Variants in FUT8 observed in about 807,000 individuals in gnomAD.
FUT8 encodes fucosyltransferase 8.
FUT8 carries 29 observed loss-of-function variants against 71.3 expected under a neutral mutation model. The observed-to-expected ratio is 0.41, with a 90% CI of 0.30 to 0.55. The LOEUF is 0.55. Ranked by LOEUF, FUT8 falls within the 20% of genes least tolerant of loss-of-function variation. FUT8 has a pLI of 0.34. For synonymous variants in FUT8, 254 were observed against 239.3 expected, an observed-to-expected ratio of 1.06 and a Z score of -0.57; for missense variants, 544 against 702.1, an observed-to-expected ratio of 0.77 and a Z score of 2.55.
Position 65,522,749 on chromosome 14 carries a change from T to C in FUT8, c.-227-38588T>C, listed in dbSNP as rs371070622. Among the ~76,000 whole-genome samples the C allele has an allele frequency of 1.2e-4, 13 of 112,554 alleles. No individual in the cohort carries two copies. The East Asian group carries it at 3.1e-3, about 27-fold the overall frequency. 73.8% of individuals were successfully genotyped at this position (112,554 alleles called of 152,430 possible). On this transcript the variant is annotated intron_variant, in intron 2 of 10. Transcript: ENST00000673929. The stretch of plus-strand genomic sequence containing the variant: ...CCCCCCACCCCGCAACAGGCCCCGG[T>C]GTGTGATGTTCCCCCTCCTGTGTCC...
upstream of FUT8, chr14:65,412,490 C>T (rs999723968): frequency 1.6e-5 from 6 of 373,150 alleles, no homozygotes; most frequent in Non-Finnish European, 3.2e-5. Flanking sequence ...AGAGGGCGGC[C>T]TACGCCTGTG....
chr14:65,708,745 AG>A (rs1044261513), intron 7 of FUT8, among the ~76,000 whole-genome samples: 5 of 152,226 alleles, frequency 3.3e-5, no homozygotes, highest in Non-Finnish European at 7.3e-5. Context: ...AGCCAGTCAC[AG>A]AAAGACAAAC....
the FUT8 span, among the ~76,000 whole-genome samples, chr14:65,402,752 G>C: frequency 6.6e-6 from 1 of 152,258 alleles, no homozygotes; most frequent in Non-Finnish European, 1.5e-5. Flanking sequence ...TCCTGCCTCA[G>C]CCTCTTAAAG....
intron 2 of FUT8, among the ~76,000 whole-genome samples, chr14:65,528,256 C>T (rs1029652421): frequency 1.3e-5 from 2 of 151,986 alleles, no homozygotes; most frequent in South Asian, 2.1e-4. Context: ...TGGCAGGTAC[C>T]CCTCCCCCAG....
intron 2 of FUT8, among the ~76,000 whole-genome samples, chr14:65,491,361 G>A (rs1044394514): frequency 2.0e-5 from 3 of 152,098 alleles, no homozygotes; most frequent in Non-Finnish European, 4.4e-5. Context: ...ACAATAGGTA[G>A]CAAGTTAACT....
At chr14:65,680,915 C>T (rs187192508) in intron 7 of FUT8, among the ~76,000 whole-genome samples, 105 of 152,286 alleles carry the variant, frequency 6.9e-4, no homozygotes, top group Non-Finnish European at 1.2e-3. Context: ...GCCCTGCACT[C>T]CATAATTCAC....
At chr14:65,698,348 A>G (rs1056953014) in intron 7 of FUT8, among the ~76,000 whole-genome samples, 1 of 152,228 alleles carries the variant, frequency 6.6e-6, no homozygotes, top group Admixed American at 6.5e-5. Flanking sequence ...CAGTAAAATA[A>G]TAAAATTAAC....
chr14:65,543,092 A>T (rs755532340), intron 2 of FUT8, among the ~76,000 whole-genome samples: 4 of 151,900 alleles, frequency 2.6e-5, no homozygotes, highest in Non-Finnish European at 5.9e-5. Flanking sequence ...ATGACTAGGA[A>T]TTTTTTTTGC....
intron 1 of FUT8, among the ~76,000 whole-genome samples, chr14:65,448,268 G>C (rs995730769): frequency 5.9e-5 from 9 of 152,282 alleles, no homozygotes; most frequent in South Asian, 2.1e-4. Flanking sequence ...AGGGGGTGAT[G>C]AAAGCTTTGG....
At chr14:65,611,936 C>T (rs1406065513) in intron 3 of FUT8, among the ~76,000 whole-genome samples, 2 of 152,234 alleles carry the variant, frequency 1.3e-5, no homozygotes, top group Non-Finnish European at 2.9e-5. Context: ...GCTGGGATTA[C>T]AGGCGTGAGC....
Position 65,586,486 on chromosome 14 carries a change from C to T in FUT8, c.203+24720C>T, listed in dbSNP as rs903237056. On this transcript the variant is annotated intron_variant, in intron 3 of 10. Transcript: ENST00000673929. ...GATAAATTGATAAAATTGGCAGTAA[C>T]ATCATTTAATATGAAATGCTAGACA... Among the ~76,000 whole-genome samples, 15 of 152,190 alleles carry T rather than the reference C, an allele frequency of 9.9e-5. No homozygotes were observed. The South Asian group carries it at 2.1e-3, about 21-fold the overall frequency.
upstream of FUT8, among the ~76,000 whole-genome samples, chr14:65,406,851 A>G (rs887686771): frequency 7.9e-5 from 12 of 152,214 alleles, no homozygotes; most frequent in African/African-American, 2.9e-4. Flanking sequence ...GCCAGGTTTT[A>G]TAAGCATAAA....
intron 2 of FUT8, among the ~76,000 whole-genome samples, chr14:65,515,520 T>C (rs1025507753): frequency 7.2e-5 from 11 of 152,010 alleles, no homozygotes; most frequent in Admixed American, 7.2e-4. Context: ...TATAATGTTT[T>C]GTGGGCAGAT....
the FUT8 span, among the ~76,000 whole-genome samples, chr14:65,365,739 T>C: frequency 6.6e-6 from 1 of 152,276 alleles, no homozygotes; most frequent in Non-Finnish European, 1.5e-5. Flanking sequence ...AATCCACCCA[T>C]TGTTTAGCAT....
At chr14:65,693,808 ACTAT>A (rs1370661297) in intron 7 of FUT8, among the ~76,000 whole-genome samples, 4 of 152,196 alleles carry the variant, frequency 2.6e-5, no homozygotes, top group Admixed American at 6.5e-5. Context: ...CACCAGTGAA[ACTAT>A]CTGAGTGTGG....
intron 2 of FUT8, among the ~76,000 whole-genome samples, chr14:65,498,933 A>G (rs1269567503): frequency 1.3e-5 from 2 of 152,276 alleles, no homozygotes; most frequent in Non-Finnish European, 2.9e-5. Flanking sequence ...CCTCATGTAC[A>G]TTACTTTTCT....
Position 65,515,188 on chromosome 14 carries a change from G to A in FUT8, c.-227-46149G>A, listed in dbSNP as rs148485878. Reference sequence around the variant, plus strand: ...TTGCTAAAAACTTGTATAAATTTGTGAGTTTTGCTGTGTAGATCTTTTGGA... The same window carrying A: ...TTGCTAAAAACTTGTATAAATTTGTAAGTTTTGCTGTGTAGATCTTTTGGA... On this transcript the variant is annotated intron_variant, in intron 2 of 10. Transcript: ENST00000673929. 2.5e-3 allele frequency among the ~76,000 whole-genome samples: 377 copies of A among 148,524 alleles called. 3 individuals carry two copies. The Middle Eastern group carries it at 0.039, about 15-fold the overall frequency.
intron 2 of FUT8, among the ~76,000 whole-genome samples, chr14:65,551,054 A>G (rs1412235588): frequency 1.3e-5 from 2 of 152,196 alleles, no homozygotes; most frequent in Non-Finnish European, 2.9e-5. Flanking sequence ...TACCCTTTGC[A>G]TAGGGTACAC....
intron 2 of FUT8, among the ~76,000 whole-genome samples, chr14:65,531,745 A>C (rs1376648961): frequency 6.6e-6 from 1 of 151,980 alleles, no homozygotes; most frequent in Non-Finnish European, 1.5e-5. Flanking sequence ...CCCAATAGTT[A>C]TGTTTTCTGT....
Sources: allele counts gnomAD v4.1 joint callset (sites outside exome capture counted in the v4.1 genomes callset), GRCh38; gene constraint gnomAD v4.1.1; transcripts MANE v1.5; gene names NCBI Gene and HGNC (gene_info 2026-07-23, HGNC 2026-07-21).